Variants in LRCH3 observed in about 807,000 individuals in gnomAD.
LRCH3 encodes the protein DISP complex protein LRCH3.
Under a neutral mutation model 104.5 loss-of-function variants are expected in LRCH3, and 68 were observed. The observed-to-expected ratio is 0.65, with a 90% confidence interval of 0.54 to 0.80. The LOEUF (loss-of-function observed/expected upper bound fraction) is 0.80, where lower values mean the gene tolerates loss of function less well. Among genes scored for constraint, LRCH3 ranks in the 30% least tolerant of loss-of-function variants. The pLI is 0.00. For synonymous variants in LRCH3, 344 were observed against 361.3 expected (o/e 0.95, Z 0.54); for missense variants, 951 against 953.9 (o/e 1.00, Z 0.04).
At chr3:197,831,553 C>G (rs1735935179) in intron 7 of LRCH3, among the ~76,000 whole-genome samples, 1 of 151,316 alleles carries the variant, frequency 6.6e-6, no homozygotes, top group South Asian at 2.1e-4. Context: ...GTTTGTATGT[C>G]TTGGTGGGTG....
chr3:197,802,243 G>A (rs1731981169), intron 1 of LRCH3, among the ~76,000 whole-genome samples: 1 of 152,192 alleles, frequency 6.6e-6, no homozygotes, highest in African/African-American at 2.4e-5. Context: ...CAGGGTATGA[G>A]ATCCTGTATT....
At chr3:197,860,443 A>G (rs955467407) in intron 15 of LRCH3, among the ~76,000 whole-genome samples, 1 of 152,182 alleles carries the variant, frequency 6.6e-6, no homozygotes, top group African/African-American at 2.4e-5. Flanking sequence ...ACTGGCTCAC[A>G]CCTGTAATCC....
intron 12 of LRCH3, chr3:197,852,301 A>T: frequency 5.0e-6 from 2 of 402,220 alleles, no homozygotes; most frequent in South Asian, 6.9e-5. Flanking sequence ...CATTCGAGTG[A>T]TACTAAAGCC....
At chr3:197,882,025 G>T in intron 20 of LRCH3, 1 of 985,414 alleles carries the variant, frequency 1.0e-6, no homozygotes. Context: ...AATTGGGTTG[G>T]TTATATTTTT....
Position 197,884,451 on chromosome 3 carries a change from C to G in LRCH3, c.*785C>G, listed in dbSNP as rs1050718080. Reference sequence around the variant, plus strand: ...GGATTACAGGCGTGAGCCACTGTGCCCGGCCTCCCAGAGTGCTGGGATGAC... The same window carrying G: ...GGATTACAGGCGTGAGCCACTGTGCGCGGCCTCCCAGAGTGCTGGGATGAC... On this transcript the variant is annotated 3_prime_UTR_variant, in exon 21 of 21. Transcript: ENST00000425562. 2.0e-5 allele frequency: 3 copies of G among 152,860 alleles called. No homozygotes were observed. Among genetic ancestry groups the G allele is most frequent in the African/African-American group, 7.2e-5 (3 of 41,568 alleles). The allele number at this position is 152,860 out of a possible 1,614,324, so 9.5% of individuals were successfully genotyped here.
chr3:197,839,529 G>T, intron 10 of LRCH3, 132 bp downstream of exon 10: 1 of 529,388 alleles, frequency 1.9e-6, no homozygotes, highest in Non-Finnish European at 3.3e-6. Context: ...GCGACGGTGT[G>T]CTTTTTTGTA....
chr3:197,819,385 T>C (rs530852526), intron 3 of LRCH3, among the ~76,000 whole-genome samples: 2 of 152,222 alleles, frequency 1.3e-5, no homozygotes, highest in African/African-American at 4.8e-5. Flanking sequence ...TCAACTTCTT[T>C]TAGAACCATT....
chr3:197,830,963 A>G, intron 7 of LRCH3, 100 bp downstream of exon 7: 2 of 1,046,846 alleles, frequency 1.9e-6, no homozygotes, highest in Non-Finnish European at 2.9e-6. Context: ...TTCTCACTAC[A>G]TAAAATACAG....
chr3:197,798,734 C>T (rs1731547426), intron 1 of LRCH3, among the ~76,000 whole-genome samples: 1 of 152,064 alleles, frequency 6.6e-6, no homozygotes, highest in Admixed American at 6.5e-5. Flanking sequence ...TTCTTGGATC[C>T]TTGTTTATGT....
chr3:197,846,882 T>G (rs565452804), intron 10 of LRCH3, among the ~76,000 whole-genome samples: 1 of 143,064 alleles, frequency 7.0e-6, no homozygotes, highest in South Asian at 2.1e-4. Flanking sequence ...TTTTTTTTTG[T>G]TTTTTTAAGC....
In LRCH3 at chr3:197,791,317, C is replaced by T. The variant is rs753964576; in HGVS notation, c.39C>T (p.Ala13=). ...GCTTGGTCGCTGTGGCAGCGGCTGC[C>T]GAGTACTCTGGCACGGTAGCGTCGG... ...AAGLVAVAAA[A]EYSGTVASGG... The change falls in exon 1 of 21, where the codon GCC becomes GCT. Residue 13 remains alanine (A), a synonymous_variant. Coordinates refer to ENST00000425562, the MANE Select transcript of LRCH3 (RefSeq NM_001365715.1). 2 of 1,609,486 alleles carry T rather than the reference C, an allele frequency of 1.2e-6. No individual in the cohort carries two copies. Among genetic ancestry groups the T allele is most frequent in the African/African-American group, 1.3e-5 (1 of 74,782 alleles).
intron 1 of LRCH3, among the ~76,000 whole-genome samples, chr3:197,793,875 C>A (rs1560512662): frequency 6.6e-6 from 1 of 152,122 alleles, no homozygotes; most frequent in Non-Finnish European, 1.5e-5. Flanking sequence ...AAAAAAAAAT[C>A]TTTGGCAGAC....
chr3:197,876,358 T>A (rs1469880986), intron 20 of LRCH3: 1 of 152,280 alleles, frequency 6.6e-6, no homozygotes, highest in African/African-American at 2.4e-5. Flanking sequence ...GAGTCTGGCA[T>A]GCAACAGGCC....
At chr3:197,797,065 C>T (rs796549371) in intron 1 of LRCH3, among the ~76,000 whole-genome samples, 11 of 150,926 alleles carry the variant, frequency 7.3e-5, no homozygotes, top group African/African-American at 2.4e-4. Flanking sequence ...TGGTAGCACA[C>T]GCCTGTAATC....
intron 17 of LRCH3, among the ~76,000 whole-genome samples, chr3:197,869,642 A>G (rs1212007517): frequency 7.9e-6 from 1 of 126,952 alleles, no homozygotes; most frequent in African/African-American, 3.6e-5. Context: ...GTAGAAAGCC[A>G]TGCAGTGTAC....
intron 13 of LRCH3, among the ~76,000 whole-genome samples, chr3:197,852,830 T>A (rs1739793777): frequency 6.6e-6 from 1 of 152,136 alleles, no homozygotes; most frequent in Non-Finnish European, 1.5e-5. Context: ...TACACATCCA[T>A]CTAGAGATGA....
chr3:197,875,699 CTAAAT>C lies in LRCH3; in HGVS notation c.2136_2140del (p.Lys712AsnfsTer84). 1 of 1,533,628 alleles carries C rather than the reference CTAAAT, an allele frequency of 6.5e-7. No individual in the cohort carries two copies. The highest frequency in any genetic ancestry group is 2.4e-5 in the East Asian group (1 of 40,890). On this transcript the variant is annotated frameshift_variant and splice_region_variant, in exon 20 of 21. Transcript: ENST00000425562. LOFTEE classifies it high-confidence loss of function. Reference sequence around the variant, plus strand: ...CACATTTTCTTTTCCTCATTTCAGCCTAAATTAACAATGGCGAAATGCAGGCGAAA... The same window carrying C: ...CACATTTTCTTTTCCTCATTTCAGCCTAACAATGGCGAAATGCAGGCGAAA...
At position 197,885,085 on chromosome 3, in the gene LRCH3, T is replaced by C. The variant is rs1306162045; in HGVS notation, c.*1419T>C. 1.3e-5 allele frequency: 2 copies of C among 152,200 alleles called. No individual in the cohort carries two copies. The highest frequency in any genetic ancestry group is 6.5e-5 in the Admixed American group (1 of 15,278). The allele number at this position is 152,200 out of a possible 1,614,324, so 9.4% of individuals were successfully genotyped here. A position where few individuals can be genotyped will look rare whatever the true frequency, so the allele number is the denominator to read the frequency against. ...TATACACAGGTTCCAAACCCCGTTATCTAGACATTATCAACAACAAGCCCT... is the reference window on the plus strand; with the variant it reads ...TATACACAGGTTCCAAACCCCGTTACCTAGACATTATCAACAACAAGCCCT... On this transcript the variant is annotated 3_prime_UTR_variant, in exon 21 of 21. Transcript: ENST00000425562.
intron 8 of LRCH3, among the ~76,000 whole-genome samples, chr3:197,833,494 C>T (rs1476047562): frequency 3.4e-5 from 5 of 148,260 alleles, no homozygotes; most frequent in Admixed American, 1.4e-4. Flanking sequence ...GCCAAGATCA[C>T]GCCACTGCAC....
Sources: gnomAD v4.1 joint callset for allele counts (sites outside exome capture counted in the v4.1 genomes callset) on GRCh38, gnomAD v4.1.1 for gene constraint, MANE v1.5 for transcripts, NCBI Gene and HGNC (gene_info 2026-07-23, HGNC 2026-07-21) for gene names.